PLXNA2: variants seen among roughly 807,000 people sequenced by gnomAD.
The protein encoded by PLXNA2 is plexin-A2.
In PLXNA2, 91 loss-of-function variants were observed where a neutral mutation model predicts 193.5. The ratio of observed to expected loss-of-function variants is 0.47; its 90% CI spans 0.40 to 0.56. PLXNA2 has a LOEUF of 0.56. Among genes scored for constraint, PLXNA2 ranks in the 20% least tolerant of loss-of-function variants. The pLI is 0.00. For missense variants in PLXNA2, 1,995 were observed against 2,503.2 expected (o/e 0.80, Z 4.33); for synonymous variants, 997 against 1,027.3 (o/e 0.97, Z 0.56).
intron 11 of PLXNA2, among the ~76,000 whole-genome samples, chr1:208,081,992 A>C (rs934300941): frequency 2.0e-5 from 3 of 152,092 alleles, no homozygotes; most frequent in Non-Finnish European, 4.4e-5. Context: ...CGCCCACCTC[A>C]GGAACTGGAG....
intron 12 of PLXNA2, among the ~76,000 whole-genome samples, chr1:208,077,152 C>G (rs1013709509): frequency 3.3e-5 from 5 of 152,104 alleles, no homozygotes; most frequent in Non-Finnish European, 7.4e-5. Flanking sequence ...ATGTCCTGTT[C>G]AGAGTGACCT....
At chr1:208,124,444 C>T (rs571154666) in intron 4 of PLXNA2, among the ~76,000 whole-genome samples, 8 of 152,062 alleles carry the variant, frequency 5.3e-5, no homozygotes, top group Admixed American at 3.3e-4. Context: ...TTTGGGAAGC[C>T]GAAGCGGGCA....
At chr1:208,212,200 G>A (rs569129580) in intron 2 of PLXNA2, among the ~76,000 whole-genome samples, 2 of 152,206 alleles carry the variant, frequency 1.3e-5, no homozygotes, top group Non-Finnish European at 2.9e-5. Flanking sequence ...GGGAAGAGCA[G>A]GCTGACACAC....
chr1:208,140,864 A>C (rs1463357280), intron 4 of PLXNA2, among the ~76,000 whole-genome samples: 1 of 152,244 alleles, frequency 6.6e-6, no homozygotes, highest in African/African-American at 2.4e-5. Flanking sequence ...AATCAACTTA[A>C]GGTAGTGGCT....
At chr1:208,220,755 G>T (rs1671304227) in intron 1 of PLXNA2, among the ~76,000 whole-genome samples, 1 of 152,024 alleles carries the variant, frequency 6.6e-6, no homozygotes, top group Non-Finnish European at 1.5e-5. Context: ...TATTGTCTTT[G>T]AAGACTCCAC....
chr1:208,150,459 C>T (rs1201256410), intron 3 of PLXNA2, among the ~76,000 whole-genome samples: 1 of 152,132 alleles, frequency 6.6e-6, no homozygotes, highest in Non-Finnish European at 1.5e-5. Flanking sequence ...CCCCAGAGGA[C>T]TCACTTGTTC....
At chr1:208,098,150 A>G (rs1006536712) in intron 6 of PLXNA2, among the ~76,000 whole-genome samples, 5 of 151,960 alleles carry the variant, frequency 3.3e-5, no homozygotes, top group African/African-American at 1.2e-4. Context: ...GGGCCAAGAG[A>G]CTTAGGTACA....
intron 1 of PLXNA2, among the ~76,000 whole-genome samples, chr1:208,233,878 G>C (rs1049780096): frequency 2.6e-5 from 4 of 152,210 alleles, no homozygotes; most frequent in South Asian, 2.1e-4. Context: ...AGGAAAGCTG[G>C]TTGGAGCTAT....
chr1:208,096,170 G>T (rs1248285020), intron 7 of PLXNA2, 45 bp from the exon 8 acceptor site: 1 of 1,409,844 alleles, frequency 7.1e-7, no homozygotes, highest in Non-Finnish European at 1.0e-6. Flanking sequence ...AACAACGTGG[G>T]GGACCCAGTG....
chr1:208,039,670 G>A lies in PLXNA2; in HGVS notation c.4451C>T (p.Ser1484Phe), dbSNP rs149856641. 6.8e-6 allele frequency: 11 copies of A among 1,614,218 alleles called. No homozygotes were observed. Among genetic ancestry groups the A allele is most frequent in the African/African-American group, 1.3e-5 (1 of 75,068 alleles). Reference protein sequence around the residue: ...IDAITGEARYSLSEDKLIRQQ... With the variant: ...IDAITGEARYFLSEDKLIRQQ... ...CCGGATGAGCTTGTCCTCGCTCAGG[G>A]AGTAGCGGGCCTCGCCCGTGATGGC... Residue 1484 changes from serine (S) to phenylalanine (F), a missense_variant, in exon 24 of 32, where the codon TCC (serine) becomes TTC (phenylalanine). Ser to Phe is a radical substitution (Grantham distance 155). This residue lies in a region of PLXNA2 where 1,291 missense variants were observed against 1,673.6 expected (regional missense o/e 0.77). Transcript: ENST00000367033.
intron 4 of PLXNA2, among the ~76,000 whole-genome samples, chr1:208,108,059 T>G (rs777968430): frequency 2.0e-5 from 3 of 152,156 alleles, no homozygotes; most frequent in Non-Finnish European, 4.4e-5. Flanking sequence ...GCCCCGCGTC[T>G]CTGGTGCCTT....
Position 208,216,899 on chromosome 1 carries a change from C to T in PLXNA2, c.1024G>A (p.Gly342Arg). ...GGCGGGTGGTGATACTGCTTCTGCCCTTTGGAGAAGATGGCAAAGAGTACA... is the reference window on the plus strand; with the variant it reads ...GGCGGGTGGTGATACTGCTTCTGCCTTTTGGAGAAGATGGCAAAGAGTACA... ...DDVLFAIFSK[G>R]QKQYHHPPDD... The change falls in exon 2 of 32, where the codon GGG (glycine) becomes AGG (arginine). Residue 342 changes from glycine to arginine, a missense_variant. Physicochemically the swap from Gly to Arg is moderately radical, Grantham distance 125 (BLOSUM62 -2). Around this residue, in one of 3 missense-constraint regions of PLXNA2, gnomAD observed 702 missense variants for 812.9 expected, o/e 0.86. Coordinates refer to ENST00000367033, the MANE Select transcript of PLXNA2 (RefSeq NM_025179.4). 6.2e-7 allele frequency: 1 copy of T among 1,614,228 alleles called. No homozygotes were observed. Among genetic ancestry groups the T allele is most frequent in the Non-Finnish European group, 8.5e-7 (1 of 1,180,052 alleles).
rs182252136 is a variant in PLXNA2 at position 208,166,244 on chromosome 1, C to A, written c.1372-23781G>T. On this transcript the variant is annotated intron_variant, in intron 3 of 31. Transcript: ENST00000367033. ...TCCCAGTCACAGATTTGCTACAACA[C>A]ACCTTCTCTCCGAGAGATTTCTGGC... 1.5e-3 allele frequency among the ~76,000 whole-genome samples: 226 copies of A among 152,346 alleles called. 1 individual carries two copies. Among genetic ancestry groups the A allele is most frequent in the African/African-American group, 5.1e-3 (214 of 41,580 alleles).
intron 1 of PLXNA2, among the ~76,000 whole-genome samples, chr1:208,235,165 T>C (rs956672349): frequency 2.0e-5 from 3 of 152,218 alleles, no homozygotes; most frequent in South Asian, 4.1e-4. Flanking sequence ...CCAATCCCAC[T>C]GGCTAAATGC....
chr1:208,150,958 G>A (rs187230180), intron 3 of PLXNA2, among the ~76,000 whole-genome samples: 14 of 152,310 alleles, frequency 9.2e-5, no homozygotes, highest in Admixed American at 2.6e-4. Context: ...TCAGGAACAC[G>A]GGGCTCAGGC....
intron 3 of PLXNA2, among the ~76,000 whole-genome samples, chr1:208,205,279 G>T (rs1362468148): frequency 6.6e-6 from 1 of 152,170 alleles, no homozygotes; most frequent in African/African-American, 2.4e-5. Context: ...TTTGGTGTTT[G>T]CACTTAATCT....
chr1:208,166,466 T>G (rs1571988605), intron 3 of PLXNA2, among the ~76,000 whole-genome samples: 2 of 152,376 alleles, frequency 1.3e-5, no homozygotes, highest in African/African-American at 4.8e-5. Context: ...ACAGCTTGAA[T>G]GCCTCCTGTG....
At chr1:208,040,322 T>G in intron 22 of PLXNA2, 1 of 491,042 alleles carries the variant, frequency 2.0e-6, no homozygotes, top group Non-Finnish European at 3.6e-6. Context: ...TGCTCTGAAC[T>G]TTGGCTGCAT....
At chr1:208,114,133 C>T (rs1276269776) in intron 4 of PLXNA2, among the ~76,000 whole-genome samples, 1 of 152,112 alleles carries the variant, frequency 6.6e-6, no homozygotes, top group Non-Finnish European at 1.5e-5. Flanking sequence ...AAATTAGCTC[C>T]CTCTGGCAAA....
Sources: allele counts gnomAD v4.1 joint callset (sites outside exome capture counted in the v4.1 genomes callset), GRCh38; gene constraint gnomAD v4.1.1; regional missense constraint gnomAD v4.1.1; transcripts MANE v1.5; gene names NCBI Gene and HGNC (gene_info 2026-07-23, HGNC 2026-07-21).